ASCC2: variants seen among roughly 807,000 people sequenced by gnomAD.
The protein encoded by ASCC2 is ASC-1 complex subunit P100.
ASCC2 carries 42 observed loss-of-function variants against 93.5 expected under a neutral mutation model. The observed-to-expected ratio is 0.45, with a 90% CI of 0.35 to 0.58. ASCC2 has a LOEUF of 0.58. Among genes scored for constraint, ASCC2 ranks in the 20% least tolerant of loss-of-function variants. The pLI is 0.00. For missense variants in ASCC2, 859 were observed against 977.6 expected (o/e 0.88, Z 1.62); for synonymous variants, 364 against 384.2 (o/e 0.95, Z 0.62).
At chr22:29,802,636 A>C (rs997666917) in intron 13 of ASCC2, among the ~76,000 whole-genome samples, 2 of 151,844 alleles carry the variant, frequency 1.3e-5, no homozygotes, top group Non-Finnish European at 2.9e-5. Flanking sequence ...CCATCTGTTC[A>C]AAAAATTTAA....
At chr22:29,804,296 C>T (rs534938161) in intron 13 of ASCC2, among the ~76,000 whole-genome samples, 1 of 152,210 alleles carries the variant, frequency 6.6e-6, no homozygotes, top group Non-Finnish European at 1.5e-5. Context: ...TTCCCAGTTG[C>T]AACCAAAGGA....
chr22:29,812,842 C>T (rs1034680182), intron 8 of ASCC2, among the ~76,000 whole-genome samples: 1 of 151,940 alleles, frequency 6.6e-6, no homozygotes, highest in Non-Finnish European at 1.5e-5. Context: ...AGTGTGTGTT[C>T]CCCCCAGGCT....
Position 29,808,129 on chromosome 22 carries a change from CTCT to C in ASCC2, c.887_889del (p.Lys296del). On this transcript the variant is annotated inframe_deletion, in exon 9 of 20. Coordinates refer to ENST00000307790, the MANE Select transcript of ASCC2 (RefSeq NM_032204.5). ...GCCTCACTTGCTATCTTCAAGCCTCCTCTTCTTAATTGCAGACTCCATTTCGGG... is the reference window on the plus strand; with the variant it reads ...GCCTCACTTGCTATCTTCAAGCCTCCTCTTAATTGCAGACTCCATTTCGGG... 1.2e-6 allele frequency: 2 copies of C among 1,614,260 alleles called. No homozygotes were observed. Among genetic ancestry groups the C allele is most frequent in the Non-Finnish European group, 1.7e-6 (2 of 1,180,046 alleles).
chr22:29,799,851 G>A (rs1250085749), intron 15 of ASCC2, among the ~76,000 whole-genome samples: 2 of 152,110 alleles, frequency 1.3e-5, no homozygotes, highest in African/African-American at 2.4e-5. Context: ...ACAGTGGCAC[G>A]ATCACAGCTC....
chr22:29,814,506 T>C (rs375117463), intron 7 of ASCC2, 151 bp downstream of exon 7: 1 of 576,682 alleles, frequency 1.7e-6, no homozygotes, highest in Non-Finnish European at 3.0e-6. Context: ...TGATGGGACA[T>C]AATAGTTGCT....
intron 1 of ASCC2, among the ~76,000 whole-genome samples, chr22:29,832,846 T>G (rs570360765): frequency 6.6e-6 from 1 of 152,044 alleles, no homozygotes; most frequent in Admixed American, 6.6e-5. Flanking sequence ...GCTAAAGCAA[T>G]CCTCCCACCT....
chr22:29,788,817 T>C lies in ASCC2; in HGVS notation c.*196A>G. On this transcript the variant is annotated 3_prime_UTR_variant, in exon 20 of 20. Transcript: ENST00000307790. ...CCCCACGGATTCTTCGGCTGTGGCA[T>C]AAGGCACTGTGTGTTCTGCAGGAAG... 1.6e-6 allele frequency: 1 copy of C among 631,220 alleles called. No individual in the cohort carries two copies. Among genetic ancestry groups the C allele is most frequent in the Middle Eastern group, 4.4e-4 (1 of 2,278 alleles). 39.1% of individuals were successfully genotyped at this position (631,220 alleles called of 1,614,324 possible).
intron 8 of ASCC2, among the ~76,000 whole-genome samples, chr22:29,810,670 G>C (rs1455137857): frequency 3.3e-5 from 5 of 152,076 alleles, no homozygotes; most frequent in Admixed American, 3.3e-4. Context: ...TCTACTTCTA[G>C]GAATTATTCC....
intron 4 of ASCC2, among the ~76,000 whole-genome samples, chr22:29,822,716 C>CTTTTTTTTTTTTTTT (rs748997801): frequency 7.5e-5 from 7 of 92,998 alleles, no homozygotes; most frequent in Non-Finnish European, 1.1e-4. Context: ...ATTATCATGT[C>CTTTTTTTTTTTTTTT]TTTTTTTTTT....
In ASCC2 at chr22:29,793,508, T is replaced by C. The variant is rs112106561; in HGVS notation, c.1789-18A>G. The stretch of plus-strand genomic sequence containing the variant: ...AGTGGCACCTGCAATGGCATAAGCA[T>C]GGGTCTGGGGGGCTCAGGGGCTGGC... On this transcript the variant is annotated intron_variant, in intron 16 of 19. Coordinates refer to ENST00000307790, the MANE Select transcript of ASCC2 (RefSeq NM_032204.5). The C allele has an allele frequency of 6.2e-6, 10 of 1,614,086 alleles. No individual in the cohort carries two copies. The highest frequency in any genetic ancestry group is 1.7e-5 in the Admixed American group (1 of 60,026).
At chr22:29,799,792 T>G (rs1291327992) in intron 15 of ASCC2, among the ~76,000 whole-genome samples, 1 of 152,140 alleles carries the variant, frequency 6.6e-6, no homozygotes, top group African/African-American at 2.4e-5. Context: ...TGAACTCTCT[T>G]ATTTTTTTTT....
chr22:29,789,180 G>T lies in ASCC2; in HGVS notation c.2107C>A (p.Arg703=). The T allele has an allele frequency of 6.2e-7, 1 of 1,614,080 alleles. No individual in the cohort carries two copies. Among genetic ancestry groups the T allele is most frequent in the Non-Finnish European group, 8.5e-7 (1 of 1,179,996 alleles). ...GCCACTGCTGTTGAGCTGTCATGCC[G>T]GTACCTGAGGGAGGAACAACCCACC... ...RMAFLAKKGY[R]HDSSTAVAGS... is the part of the protein sequence containing the mutation. Residue 703 remains arginine (R), a synonymous_variant, in exon 20 of 20, where the codon CGG becomes AGG. Coordinates refer to ENST00000307790, the MANE Select transcript of ASCC2 (RefSeq NM_032204.5).
rs766413012 is a variant in ASCC2, at chr22:29,793,384, G to C, written c.1895C>G (p.Ser632Cys). 1.2e-6 allele frequency: 2 copies of C among 1,613,770 alleles called. No homozygotes were observed. ...GNQVGANDADSDDELISRRPF... is the reference protein window; with the variant it reads ...GNQVGANDADCDDELISRRPF... ...CCTGCGGCTGATGAGCTCGTCATCA[G>C]AGTCTGCATCATTGGCGCCCACCTG... Residue 632 changes from serine (S) to cysteine (C), a missense_variant, in exon 17 of 20, where the codon TCT (serine) becomes TGT (cysteine). Transcript: ENST00000307790.
At chr22:29,821,419 C>T (rs2061541686) in intron 5 of ASCC2, among the ~76,000 whole-genome samples, 1 of 152,338 alleles carries the variant, frequency 6.6e-6, no homozygotes, top group African/African-American at 2.4e-5. Flanking sequence ...TACGTTTACA[C>T]ACGTCCCAGC....
At position 29,825,179 on chromosome 22, in the gene ASCC2, C is replaced by T. The variant is rs758933414; in HGVS notation, c.319G>A (p.Ala107Thr). ...YVPRKFDEGV[A>T]SAPEVVDMQK... is the part of the protein sequence containing the mutation. The stretch of plus-strand genomic sequence containing the variant: ...ATGTCAACAACCTCAGGGGCTGAGG[C>T]CACCCCCTCGTCGAATTTGCGGGGG... Residue 107 changes from alanine to threonine, a missense_variant, in exon 4 of 20, where the codon GCC becomes ACC. Physicochemically the swap from Ala to Thr is moderately conservative, Grantham distance 58. Transcript: ENST00000307790. The surrounding 1 kb of genome is among the most constrained non-coding windows in gnomAD (Gnocchi z 4.9). The T allele has an allele frequency of 1.2e-5, 19 of 1,563,274 alleles. No homozygotes were observed. Among genetic ancestry groups the T allele is most frequent in the Admixed American group, 3.9e-5 (2 of 50,770 alleles).
intron 8 of ASCC2, among the ~76,000 whole-genome samples, chr22:29,809,141 A>AAAAAAAT (rs59722783): frequency 7.1e-6 from 1 of 141,680 alleles, no homozygotes; most frequent in Non-Finnish European, 1.5e-5. Flanking sequence ...AAAAAAAAAA[A>AAAAAAAT]TTTAACATGA....
Position 29,804,650 on chromosome 22 carries a change from C to G in ASCC2, c.1341G>C (p.Ser447=), listed in dbSNP as rs745756911. The G allele has an allele frequency of 1.9e-6, 3 of 1,613,870 alleles. No individual in the cohort carries two copies. Among genetic ancestry groups the G allele is most frequent in the Non-Finnish European group, 2.5e-6 (3 of 1,179,912 alleles). The change falls in exon 13 of 20, where the codon TCG becomes TCC. Residue 447 remains serine, a synonymous_variant. Coordinates refer to ENST00000307790, the MANE Select transcript of ASCC2 (RefSeq NM_032204.5). ...CTCAGACACATACCTCCTCTTCCTC[C>G]GAGTTCTCCGGATGTGATGATGCTT... The part of the protein sequence containing the change: ...VSQASSHPEN[S]EEEECMGAAA...
intron 1 of ASCC2, among the ~76,000 whole-genome samples, chr22:29,835,723 T>C (rs1368141565): frequency 6.6e-6 from 1 of 152,174 alleles, no homozygotes; most frequent in Non-Finnish European, 1.5e-5. Context: ...CTCAATAAAG[T>C]TTAGTTGTTG....
In ASCC2 at chr22:29,838,203, TGCCGCCGCC is replaced by T. The variant is rs3838960; in HGVS notation, c.-52_-44del. 138 of 459,152 alleles carry T rather than the reference TGCCGCCGCC, an allele frequency of 3.0e-4. 2 individuals carry two copies. The highest frequency in any genetic ancestry group is 1.4e-3 in the East Asian group (21 of 14,842). The allele number at this position is 459,152 out of a possible 1,614,324, so 28.4% of individuals were successfully genotyped here. A position where few individuals can be genotyped will look rare whatever the true frequency, so the allele number is the denominator to read the frequency against. The stretch of plus-strand genomic sequence containing the variant: ...CTCGGCGGCTCCACCACCGGCTCTG[TGCCGCCGCC>T]GCCGCCGCCGCCGCCGACCACGGTG... On this transcript the variant is annotated 5_prime_UTR_variant, in exon 1 of 20. Coordinates refer to ENST00000307790, the MANE Select transcript of ASCC2 (RefSeq NM_032204.5).
Sources: gnomAD v4.1 joint callset for allele counts (sites outside exome capture counted in the v4.1 genomes callset) on GRCh38, gnomAD v4.1.1 for gene constraint, Gnocchi (gnomAD v3.1) non-coding constraint, MANE v1.5 for transcripts, NCBI Gene and HGNC (gene_info 2026-07-23, HGNC 2026-07-21) for gene names.